CYFIP1: variants seen among roughly 807,000 people sequenced by gnomAD.
CYFIP1 encodes cytoplasmic FMR1-interacting protein 1.
Under a neutral mutation model 163.5 loss-of-function variants are expected in CYFIP1, and 58 were observed. The observed-to-expected ratio is 0.35, with a 90% CI of 0.29 to 0.44. The LOEUF is 0.44. Ranked by LOEUF, CYFIP1 falls within the 20% of genes least tolerant of loss-of-function variation. The probability of loss-of-function intolerance (pLI) is 1.00; values close to 1 mark genes in which losing one functional copy is unlikely to be tolerated. For synonymous variants in CYFIP1, 663 were observed against 660.7 expected, an observed-to-expected ratio of 1.00 and a Z score of -0.05; for missense variants, 1,338 against 1,653.8, an observed-to-expected ratio of 0.81 and a Z score of 3.31.
chr15:22,871,095 G>A (rs1168738196), intron 30 of CYFIP1, among the ~76,000 whole-genome samples: 1 of 152,030 alleles, frequency 6.6e-6, no homozygotes, highest in African/African-American at 2.4e-5. Flanking sequence ...CCTCCAATTC[G>A]GCTAAAGCGG....
At chr15:22,979,397 A>C (rs572330306) in intron 1 of CYFIP1, among the ~76,000 whole-genome samples, 2 of 152,034 alleles carry the variant, frequency 1.3e-5, no homozygotes, top group Non-Finnish European at 2.9e-5. Flanking sequence ...AGTCCGACGG[A>C]CGACTGCAAG....
At chr15:22,979,845 C>T (rs921494294) in intron 1 of CYFIP1, among the ~76,000 whole-genome samples, 3 of 152,152 alleles carry the variant, frequency 2.0e-5, no homozygotes, top group African/African-American at 7.2e-5. Context: ...TCTTGCTGCG[C>T]GACCTTAGTG....
Position 22,922,861 on chromosome 15 carries a change from G to A in CYFIP1, c.1359+3121C>T, listed in dbSNP as rs191243402. On this transcript the variant is annotated intron_variant, in intron 13 of 30. Coordinates refer to ENST00000617928, the MANE Select transcript of CYFIP1 (RefSeq NM_014608.6). Reference sequence around the variant, plus strand: ...GCAAAAATTAGCTGGGTGTGGTGGCGCACACCTGTAATCCCAGCTACTTGG... The same window carrying A: ...GCAAAAATTAGCTGGGTGTGGTGGCACACACCTGTAATCCCAGCTACTTGG... 2.5e-4 allele frequency among the ~76,000 whole-genome samples: 38 copies of A among 152,058 alleles called. No individual in the cohort carries two copies. The East Asian group carries it at 5.4e-3, about 22-fold the overall frequency.
At position 22,918,810 on chromosome 15, in the gene CYFIP1, T is replaced by G; in HGVS notation, c.1408A>C (p.Ser470Arg). The change falls in exon 14 of 31, where the codon AGC becomes CGC. Residue 470 changes from serine to arginine, a missense_variant. Physicochemically the swap from Ser to Arg is moderately radical, Grantham distance 110. Transcript: ENST00000617928. ...TGCCGGATGGCGTGGTTGAACACGC[T>G]CTCCATCCTGCCCATCAGCACCTGC... ...GLQVLMGRMESVFNHAIRHTV... is the reference protein window; with the variant it reads ...GLQVLMGRMERVFNHAIRHTV... 1.2e-6 allele frequency: 2 copies of G among 1,612,786 alleles called. No individual in the cohort carries two copies. The highest frequency in any genetic ancestry group is 1.7e-6 in the Non-Finnish European group (2 of 1,179,302).
intron 23 of CYFIP1, among the ~76,000 whole-genome samples, chr15:22,883,690 G>A (rs1008608251): frequency 2.0e-5 from 3 of 151,796 alleles, no homozygotes; most frequent in Admixed American, 6.6e-5. Flanking sequence ...GGTGGCAGGT[G>A]CCTGTAGTCC....
chr15:22,910,014 C>G (rs745754266), intron 20 of CYFIP1, among the ~76,000 whole-genome samples: 108 of 152,136 alleles, frequency 7.1e-4, no homozygotes, highest in Non-Finnish European at 1.3e-3. Flanking sequence ...AGGGCAGATA[C>G]AGAATGCTGC....
chr15:22,897,293 A>T (rs2060266757), intron 22 of CYFIP1, among the ~76,000 whole-genome samples: 1 of 151,982 alleles, frequency 6.6e-6, no homozygotes, highest in East Asian at 1.9e-4. Flanking sequence ...ATCTAACTGA[A>T]ATCCAGAATG....
At chr15:22,913,550 A>G (rs1470586192) in intron 17 of CYFIP1, among the ~76,000 whole-genome samples, 1 of 137,052 alleles carries the variant, frequency 7.3e-6, no homozygotes. Context: ...AAAAAAAAAA[A>G]AGAAAGAAAG....
intron 22 of CYFIP1, among the ~76,000 whole-genome samples, chr15:22,895,450 C>T (rs1453559216): frequency 6.6e-6 from 1 of 152,152 alleles, no homozygotes; most frequent in African/African-American, 2.4e-5. Context: ...TACGCTCGGC[C>T]TCTATATTTC....
In CYFIP1 at chr15:22,917,575, A is replaced by C. The variant is rs150343371; in HGVS notation, c.1674+213T>G. On this transcript the variant is annotated intron_variant, in intron 15 of 30. Coordinates refer to ENST00000617928, the MANE Select transcript of CYFIP1 (RefSeq NM_014608.6). This position sits in a 1 kb window ranked among gnomAD's most constrained non-coding sequence, Gnocchi z 4.2. Reference sequence around the variant, plus strand: ...GGAGTCAGACTCCTTTTTAGTGCACATGACACATCTGACAATCAAGGCACG... The same window carrying C: ...GGAGTCAGACTCCTTTTTAGTGCACCTGACACATCTGACAATCAAGGCACG... 764 of 624,762 alleles carry C rather than the reference A, an allele frequency of 1.2e-3. 15 individuals carry two copies. In the East Asian group the frequency reaches 0.024, roughly 19 times the overall value. 38.7% of individuals were successfully genotyped at this position (624,762 alleles called of 1,614,324 possible).
At chr15:22,946,282 C>A (rs1043858777) in intron 3 of CYFIP1, among the ~76,000 whole-genome samples, 1 of 150,214 alleles carries the variant, frequency 6.7e-6, no homozygotes, top group East Asian at 2.0e-4. Context: ...CTAGCCTGGG[C>A]AACCTGAGTG....
chr15:22,933,865 T>C lies in CYFIP1; in HGVS notation c.929A>G (p.Asp310Gly). Residue 310 changes from aspartate (D) to glycine (G), a missense_variant, in exon 10 of 31, where the codon GAC (aspartate) becomes GGC (glycine). Around this residue, in one of 4 missense-constraint regions of CYFIP1, gnomAD observed 824 missense variants for 995.7 expected, o/e 0.83. Coordinates refer to ENST00000617928, the MANE Select transcript of CYFIP1 (RefSeq NM_014608.6). ...KQLQVVPLFG[D>G]MQIELARYIK... ...ATATCTTGCCAGTTCTATTTGCATG[T>C]CCCCAAATAGCGGAACCACCTGGAG... 1 of 1,612,932 alleles carries C rather than the reference T, an allele frequency of 6.2e-7. No individual in the cohort carries two copies. Among genetic ancestry groups the C allele is most frequent in the Non-Finnish European group, 8.5e-7 (1 of 1,179,498 alleles).
At chr15:22,904,080 T>C in intron 21 of CYFIP1, 175 bp from the exon 22 acceptor site, 1 of 632,558 alleles carries the variant, frequency 1.6e-6, no homozygotes, top group East Asian at 2.7e-5. Context: ...CACCCCACCT[T>C]TTCAGTCACC....
intron 8 of CYFIP1, among the ~76,000 whole-genome samples, chr15:22,938,175 A>T (rs2061775890): frequency 6.6e-6 from 1 of 152,210 alleles, no homozygotes; most frequent in Admixed American, 6.5e-5. Context: ...TGAGAAACAC[A>T]GATGGAAAGC....
intron 13 of CYFIP1, among the ~76,000 whole-genome samples, chr15:22,919,122 C>G (rs1368616630): frequency 6.6e-6 from 1 of 152,170 alleles, no homozygotes; most frequent in Non-Finnish European, 1.5e-5. Context: ...TCCACCCCAG[C>G]ACACCCTCCT....
intron 1 of CYFIP1, among the ~76,000 whole-genome samples, chr15:22,976,928 G>A (rs1024349778): frequency 1.1e-4 from 16 of 152,162 alleles, no homozygotes; most frequent in East Asian, 3.9e-4. Context: ...GGCCGGGCCC[G>A]GTGGCTCACG....
Position 22,910,723 on chromosome 15 carries a change from C to T in CYFIP1, c.2159+14G>A. 1.2e-6 allele frequency: 2 copies of T among 1,611,684 alleles called. No individual in the cohort carries two copies. The highest frequency in any genetic ancestry group is 1.3e-5 in the African/African-American group (1 of 75,000). ...TGAAACGTTTTGTATCAAAATCACACACCAGATACTCACCTTCCTGCCATA... is the reference window on the plus strand; with the variant it reads ...TGAAACGTTTTGTATCAAAATCACATACCAGATACTCACCTTCCTGCCATA... On this transcript the variant is annotated intron_variant, in intron 19 of 30. Transcript: ENST00000617928.
intron 1 of CYFIP1, among the ~76,000 whole-genome samples, chr15:22,955,419 C>T (rs1270907956): frequency 3.3e-5 from 5 of 152,170 alleles, no homozygotes; most frequent in Non-Finnish European, 4.4e-5. Flanking sequence ...TTTCCAAGTG[C>T]GAGTGAGGTG....
At chr15:22,916,809 G>T in intron 15 of CYFIP1, 179 bp from the exon 16 acceptor site, 1 of 1,567,554 alleles carries the variant, frequency 6.4e-7, no homozygotes, top group East Asian at 2.4e-5. Flanking sequence ...TGCTGCTTTG[G>T]GGAAAGAACA....
Sources: gnomAD v4.1 joint callset for allele counts (sites outside exome capture counted in the v4.1 genomes callset) on GRCh38, gnomAD v4.1.1 for gene constraint, gnomAD v4.1.1 regional missense constraint, Gnocchi (gnomAD v3.1) non-coding constraint, MANE v1.5 for transcripts, NCBI Gene and HGNC (gene_info 2026-07-23, HGNC 2026-07-21) for gene names.